LINGO2: variants seen among roughly 807,000 people sequenced by gnomAD.
LINGO2 encodes the protein leucine-rich repeat and immunoglobulin-like domain-containing nogo receptor-interacting protein 2.
Under a neutral mutation model 30.6 loss-of-function variants are expected in LINGO2, and 14 were observed. That is an observed-to-expected ratio of 0.46 (90% confidence interval 0.30 to 0.72). LINGO2 has a LOEUF of 0.72. LINGO2 is among the 30% of genes least tolerant of loss of function. The pLI is 0.07. For synonymous variants in LINGO2, 317 were observed against 288.5 expected, an observed-to-expected ratio of 1.10 and a Z score of -1.00; for missense variants, 729 against 751.7, an observed-to-expected ratio of 0.97 and a Z score of 0.35.
the LINGO2 span, among the ~76,000 whole-genome samples, chr9:28,928,776 C>T: frequency 2.6e-5 from 4 of 152,166 alleles, no homozygotes; most frequent in Non-Finnish European, 5.9e-5. Context: ...TGAAATAGTG[C>T]AATTCCCTCA....
At chr9:28,981,968 C>T in the LINGO2 span, among the ~76,000 whole-genome samples, 1 of 152,042 alleles carries the variant, frequency 6.6e-6, no homozygotes. Flanking sequence ...CAACTGCCGG[C>T]ATAAGTGTTA....
At chr9:28,198,967 T>G (rs1305174966) in intron 4 of LINGO2, among the ~76,000 whole-genome samples, 1 of 152,228 alleles carries the variant, frequency 6.6e-6, no homozygotes, top group African/African-American at 2.4e-5. Context: ...TTCATTGTAA[T>G]TAAAGTAAAA....
chr9:28,139,331 T>C (rs1001217504), intron 4 of LINGO2, among the ~76,000 whole-genome samples: 1 of 152,236 alleles, frequency 6.6e-6, no homozygotes, highest in African/African-American at 2.4e-5. Context: ...TTATATAGTA[T>C]AGACAAATAG....
At chr9:28,616,394 G>A (rs561154491) in intron 1 of LINGO2, among the ~76,000 whole-genome samples, 2 of 152,164 alleles carry the variant, frequency 1.3e-5, no homozygotes, top group African/African-American at 4.8e-5. Flanking sequence ...GAGCTATATA[G>A]CTGACCCACA....
Position 28,308,436 on chromosome 9 carries a change from T to C in LINGO2, c.-245-13070A>G, listed in dbSNP as rs1489517775. Among the ~76,000 whole-genome samples the C allele has an allele frequency of 3.5e-5, 5 of 143,948 alleles. No individual in the cohort carries two copies. In the South Asian group the frequency reaches 1.1e-3, roughly 33 times the overall value. 94.4% of individuals were successfully genotyped at this position (143,948 alleles called of 152,430 possible). Reference sequence around the variant, plus strand: ...ACCTTATACAAAAATTAATTCAAGATGGATTAAAGACTTAAATGTTAGACC... The same window carrying C: ...ACCTTATACAAAAATTAATTCAAGACGGATTAAAGACTTAAATGTTAGACC... On this transcript the variant is annotated intron_variant, in intron 3 of 5. Coordinates refer to ENST00000379992, the Ensembl canonical transcript of LINGO2.
chr9:28,341,757 TAG>T lies in LINGO2; in HGVS notation c.-246+31077_-246+31078del, dbSNP rs368745628. On this transcript the variant is annotated intron_variant, in intron 3 of 5. Coordinates refer to ENST00000379992, the Ensembl canonical transcript of LINGO2. Reference sequence around the variant, plus strand: ...ACTTTCACACAGTAGATAAGTATCCTAGACTGGCCTCCTGACTCAAAATCTCT... The same window carrying T: ...ACTTTCACACAGTAGATAAGTATCCTACTGGCCTCCTGACTCAAAATCTCT... Among the ~76,000 whole-genome samples the T allele has an allele frequency of 2.4e-4, 37 of 152,306 alleles. 1 individual carries two copies. The East Asian group carries it at 5.6e-3, about 23-fold the overall frequency.
At chr9:28,014,621 G>A (rs1459654807) in intron 4 of LINGO2, among the ~76,000 whole-genome samples, 2 of 152,216 alleles carry the variant, frequency 1.3e-5, no homozygotes, top group African/African-American at 2.4e-5. Context: ...AATTTCTGAC[G>A]ATTATGCATA....
intron 5 of LINGO2, among the ~76,000 whole-genome samples, chr9:27,959,531 C>G (rs1024550529): frequency 6.6e-6 from 1 of 152,034 alleles, no homozygotes; most frequent in African/African-American, 2.4e-5. Flanking sequence ...TTCTAAATCC[C>G]CAACAAAATT....
the LINGO2 span, among the ~76,000 whole-genome samples, chr9:29,162,877 C>G: frequency 6.6e-6 from 1 of 152,016 alleles, no homozygotes; most frequent in South Asian, 2.1e-4. Context: ...GAATTTTACC[C>G]CAAAGATTAT....
intron 2 of LINGO2, among the ~76,000 whole-genome samples, chr9:28,382,876 C>T (rs995661767): frequency 6.6e-6 from 1 of 152,012 alleles, no homozygotes; most frequent in African/African-American, 2.4e-5. Flanking sequence ...CACAAAAGTT[C>T]TTGATACATT....
At chr9:28,139,354 C>G (rs1445964941) in intron 4 of LINGO2, among the ~76,000 whole-genome samples, 3 of 152,158 alleles carry the variant, frequency 2.0e-5, no homozygotes, top group Non-Finnish European at 1.5e-5. Context: ...GATACATGTG[C>G]ATGTGGAATA....
intron 4 of LINGO2, among the ~76,000 whole-genome samples, chr9:28,273,469 C>T (rs2134097453): frequency 6.6e-6 from 1 of 152,230 alleles, no homozygotes; most frequent in African/African-American, 2.4e-5. Context: ...ATTTTGGTAA[C>T]CAAATAGTAG....
At chr9:28,966,105 GC>G in the LINGO2 span, among the ~76,000 whole-genome samples, 1 of 152,078 alleles carries the variant, frequency 6.6e-6, no homozygotes, top group Non-Finnish European at 1.5e-5. Flanking sequence ...AAGGTGATTG[GC>G]CCCTTAGGCT....
chr9:28,604,169 A>T (rs1037525731), intron 1 of LINGO2, among the ~76,000 whole-genome samples: 1 of 152,048 alleles, frequency 6.6e-6, no homozygotes, highest in African/African-American at 2.4e-5. Context: ...GTGATACGCA[A>T]ACTCACTGTA....
Position 28,411,360 on chromosome 9 carries a change from A to G in LINGO2, c.-278-38492T>C, listed in dbSNP as rs573640604. On this transcript the variant is annotated intron_variant, in intron 2 of 5. Transcript: ENST00000379992. ...TTATAATTGTAACAAAAAACACATA[A>G]CTTACAATATACTATCTTAACCATT... Among the ~76,000 whole-genome samples the G allele has an allele frequency of 2.0e-5, 3 of 152,270 alleles. No individual in the cohort carries two copies. In the South Asian group the frequency reaches 6.2e-4, roughly 32 times the overall value.
At chr9:28,044,922 C>T (rs112918461) in intron 4 of LINGO2, among the ~76,000 whole-genome samples, 10 of 152,068 alleles carry the variant, frequency 6.6e-5, no homozygotes, top group East Asian at 1.9e-4. Context: ...AATATAGGAG[C>T]GATGGTGTAA....
chr9:28,438,147 G>A (rs192331571), intron 2 of LINGO2, among the ~76,000 whole-genome samples: 59 of 152,040 alleles, frequency 3.9e-4, no homozygotes, highest in Middle Eastern at 3.4e-3. Flanking sequence ...AAAAATTATC[G>A]TCCAGCTAGT....
chr9:28,026,059 T>C (rs1587716074), intron 4 of LINGO2, among the ~76,000 whole-genome samples: 1 of 152,308 alleles, frequency 6.6e-6, no homozygotes, highest in East Asian at 1.9e-4. Context: ...GTGTTCTAGC[T>C]ACTGAGGCCT....
chr9:28,007,729 A>AT (rs1432060046), intron 5 of LINGO2, among the ~76,000 whole-genome samples: 5 of 149,070 alleles, frequency 3.4e-5, no homozygotes, highest in African/African-American at 1.3e-4. Context: ...AAATGTTATC[A>AT]TTTTTTATTT....
Sources: gnomAD v4.1 joint callset for allele counts (sites outside exome capture counted in the v4.1 genomes callset) on GRCh38, gnomAD v4.1.1 for gene constraint, MANE v1.5 for transcripts, NCBI Gene and HGNC (gene_info 2026-07-23, HGNC 2026-07-21) for gene names.